MAN1A1: variants seen among roughly 807,000 people sequenced by gnomAD.
MAN1A1 encodes the protein mannosyl-oligosaccharide 1,2-alpha-mannosidase IA.
MAN1A1 carries 29 observed loss-of-function variants against 70.8 expected under a neutral mutation model. The ratio of observed to expected loss-of-function variants is 0.41; its 90% CI spans 0.31 to 0.56. The LOEUF is 0.56. MAN1A1 is among the 20% of genes least tolerant of loss of function. The probability of loss-of-function intolerance (pLI) is 0.29; values close to 1 mark genes in which losing one functional copy is unlikely to be tolerated. For synonymous variants in MAN1A1, 349 were observed against 330.1 expected, an observed-to-expected ratio of 1.06 and a Z score of -0.62; for missense variants, 747 against 841.3, an observed-to-expected ratio of 0.89 and a Z score of 1.39.
chr6:119,208,605 T>C (rs898145559), intron 6 of MAN1A1, among the ~76,000 whole-genome samples: 1 of 152,204 alleles, frequency 6.6e-6, no homozygotes, highest in Non-Finnish European at 1.5e-5. Context: ...TTATGTGCTT[T>C]TCCTCCTGTC....
At chr6:119,208,944 A>C (rs1250787195) in intron 6 of MAN1A1, among the ~76,000 whole-genome samples, 1 of 151,816 alleles carries the variant, frequency 6.6e-6, no homozygotes, top group Non-Finnish European at 1.5e-5. Flanking sequence ...AAAATACAAA[A>C]ATTAGCTGGG....
intron 5 of MAN1A1, among the ~76,000 whole-genome samples, chr6:119,253,210 T>C (rs1456721460): frequency 2.0e-5 from 3 of 151,956 alleles, no homozygotes; most frequent in African/African-American, 7.3e-5. Context: ...CAAAGCCAAA[T>C]CTGCACCAAA....
chr6:119,191,804 A>G lies in MAN1A1; in HGVS notation c.1327-1921T>C, dbSNP rs1156809159. On this transcript the variant is annotated intron_variant, in intron 9 of 12. Coordinates refer to ENST00000368468, the MANE Select transcript of MAN1A1 (RefSeq NM_005907.4). ...CCCAAAATCTACTTGAAGCTACAACAGAGTAGCCATATCTTCAGTAATCAA... is the reference window on the plus strand; with the variant it reads ...CCCAAAATCTACTTGAAGCTACAACGGAGTAGCCATATCTTCAGTAATCAA... Among the ~76,000 whole-genome samples, 3 of 152,212 alleles carry G rather than the reference A, an allele frequency of 2.0e-5. No individual in the cohort carries two copies. In the East Asian group the frequency reaches 5.8e-4, roughly 29 times the overall value.
chr6:119,336,156 G>A (rs574481400), intron 2 of MAN1A1, among the ~76,000 whole-genome samples: 6 of 152,212 alleles, frequency 3.9e-5, no homozygotes, highest in East Asian at 3.9e-4. Context: ...TGCAACCTCC[G>A]CCTCCTGGGT....
chr6:119,285,219 C>T (rs1044324619), intron 5 of MAN1A1, among the ~76,000 whole-genome samples: 1 of 151,644 alleles, frequency 6.6e-6, no homozygotes, highest in Non-Finnish European at 1.5e-5. Flanking sequence ...CTCAAGTGAT[C>T]CCCCTCCCTC....
At chr6:119,181,227 G>A (rs1021109032) in intron 11 of MAN1A1, among the ~76,000 whole-genome samples, 8 of 152,178 alleles carry the variant, frequency 5.3e-5, no homozygotes, top group African/African-American at 1.9e-4. Context: ...AACAGAAAGA[G>A]TTTGCTGACC....
At chr6:119,325,913 C>T (rs1773135014) in intron 2 of MAN1A1, among the ~76,000 whole-genome samples, 1 of 152,200 alleles carries the variant, frequency 6.6e-6, no homozygotes. Flanking sequence ...TGACTATCAA[C>T]CTAGCTTCTT....
chr6:119,191,816 T>G (rs1387022419), intron 9 of MAN1A1, among the ~76,000 whole-genome samples: 5 of 152,210 alleles, frequency 3.3e-5, no homozygotes, highest in African/African-American at 1.2e-4. Context: ...AGTAGCCATA[T>G]CTTCAGTAAT....
intron 8 of MAN1A1, among the ~76,000 whole-genome samples, chr6:119,196,335 AAAAC>A (rs976996761): frequency 2.8e-4 from 42 of 151,988 alleles, no homozygotes; most frequent in African/African-American, 9.9e-4. Flanking sequence ...TAAAAAAAAA[AAAAC>A]AAGACAAAGG....
At chr6:119,239,295 C>T (rs769695411) in intron 6 of MAN1A1, among the ~76,000 whole-genome samples, 19 of 152,170 alleles carry the variant, frequency 1.2e-4, no homozygotes, top group African/African-American at 3.9e-4. Context: ...TGTACTTACG[C>T]GCAGCTGCAC....
At chr6:119,235,033 GAACTT>G (rs1158258811) in intron 6 of MAN1A1, among the ~76,000 whole-genome samples, 3 of 152,150 alleles carry the variant, frequency 2.0e-5, no homozygotes, top group Non-Finnish European at 4.4e-5. Flanking sequence ...ATAAAATGAT[GAACTT>G]AACTTGTAAG....
intron 9 of MAN1A1, 27 bp from the exon 10 acceptor site, chr6:119,189,910 T>C (rs762020241): frequency 6.5e-7 from 1 of 1,537,862 alleles, no homozygotes; most frequent in East Asian, 2.3e-5. Flanking sequence ...TTTTTTAACA[T>C]TTTGTAATCT....
intron 2 of MAN1A1, among the ~76,000 whole-genome samples, chr6:119,309,048 A>G (rs576672475): frequency 3.3e-5 from 5 of 152,338 alleles, no homozygotes; most frequent in African/African-American, 4.8e-5. Context: ...ATATTTCTCA[A>G]AATGGGTTCC....
intron 4 of MAN1A1, among the ~76,000 whole-genome samples, chr6:119,292,802 A>G (rs6569066): frequency 0.33 from 50,154 of 151,598 alleles, 8,718 homozygotes; most frequent in Non-Finnish European, 0.36. Context: ...TACTATATAT[A>G]GGTGTAATTT....
chr6:119,338,977 C>A (rs1773535258), intron 2 of MAN1A1, among the ~76,000 whole-genome samples: 1 of 152,198 alleles, frequency 6.6e-6, no homozygotes, highest in African/African-American at 2.4e-5. Flanking sequence ...GTGGATTTCA[C>A]TCCTTAGGCC....
intron 6 of MAN1A1, among the ~76,000 whole-genome samples, chr6:119,241,082 A>G (rs1774990683): frequency 6.6e-6 from 1 of 152,184 alleles, no homozygotes; most frequent in African/African-American, 2.4e-5. Flanking sequence ...AGAAGTTTCT[A>G]ATTAAAAATG....
chr6:119,337,283 G>C (rs963898356), intron 2 of MAN1A1, among the ~76,000 whole-genome samples: 3 of 151,772 alleles, frequency 2.0e-5, no homozygotes, highest in Non-Finnish European at 4.4e-5. Flanking sequence ...AAATCAAAAA[G>C]ACAAAGACTT....
chr6:119,185,438 T>G (rs1773259967), intron 11 of MAN1A1, among the ~76,000 whole-genome samples: 2 of 152,174 alleles, frequency 1.3e-5, no homozygotes, highest in Admixed American at 1.3e-4. Context: ...AAGGGAGTGC[T>G]TTGTTAGAAG....
intron 11 of MAN1A1, among the ~76,000 whole-genome samples, chr6:119,182,768 A>C (rs1173721898): frequency 6.6e-6 from 1 of 152,210 alleles, no homozygotes; most frequent in African/African-American, 2.4e-5. Context: ...TGAAATAAAG[A>C]AAATGTAAAC....
Sources: gnomAD v4.1 joint callset for allele counts (sites outside exome capture counted in the v4.1 genomes callset) on GRCh38, gnomAD v4.1.1 for gene constraint, MANE v1.5 for transcripts, NCBI Gene and HGNC (gene_info 2026-07-23, HGNC 2026-07-21) for gene names.